The following KRT86 variants were observed in gnomAD, a reference collection of about 807,000 sequenced individuals.
KRT86 encodes keratin, type II cuticular Hb6.
In KRT86, 30 loss-of-function variants were observed where a neutral mutation model predicts 41.2. That is an observed-to-expected ratio of 0.73 (90% CI 0.54 to 0.99). KRT86 has a LOEUF of 0.99. Among genes scored for constraint, KRT86 ranks in the 50% least tolerant of loss-of-function variants. The pLI is 0.00. For missense variants in KRT86, 561 were observed against 571.4 expected, an observed-to-expected ratio of 0.98 and a Z score of 0.19; for synonymous variants, 238 against 238.1, an observed-to-expected ratio of 1.00 and a Z score of 0.00.
chr12:52,300,429 A>G (rs1938345344), intron 2 of KRT86, among the ~76,000 whole-genome samples: 1 of 152,228 alleles, frequency 6.6e-6, no homozygotes, highest in Admixed American at 6.5e-5. Context: ...AATGAAGCCC[A>G]TCTGCTCTGT....
At chr12:52,306,339 C>T in intron 9 of KRT86, 59 bp downstream of exon 9, 1 of 1,611,086 alleles carries the variant, frequency 6.2e-7, no homozygotes, top group East Asian at 2.2e-5. Context: ...TGTGCTCTGT[C>T]CTCACACTCC....
At chr12:52,275,992 G>T in intron 2 of KRT86, 46 bp downstream of exon 2, 1 of 985,866 alleles carries the variant, frequency 1.0e-6, no homozygotes, top group Non-Finnish European at 1.2e-6. Flanking sequence ...TGGTGGGATG[G>T]TGACCATTAT....
chr12:52,287,784 C>T (rs1788576907), intron 2 of KRT86: 2 of 1,613,852 alleles, frequency 1.2e-6, no homozygotes, highest in African/African-American at 2.7e-5. Flanking sequence ...CAGGACACCA[C>T]AGATGATTTT....
intron 2 of KRT86, chr12:52,286,213 G>T: frequency 6.6e-7 from 1 of 1,509,892 alleles, no homozygotes; most frequent in Non-Finnish European, 9.0e-7. Flanking sequence ...AGCAAGGCAG[G>T]GCAGGAAAGA....
intron 2 of KRT86, among the ~76,000 whole-genome samples, chr12:52,281,882 G>T (rs1227715087): frequency 6.6e-6 from 1 of 151,988 alleles, no homozygotes; most frequent in Non-Finnish European, 1.5e-5. Flanking sequence ...GGGACTACAG[G>T]CACATGCCTC....
chr12:52,285,073 A>G (rs1937882020), intron 2 of KRT86, among the ~76,000 whole-genome samples: 1 of 152,248 alleles, frequency 6.6e-6, no homozygotes, highest in South Asian at 2.1e-4. Flanking sequence ...TGTGGCATGC[A>G]CCATCTAAAC....
intron 2 of KRT86, chr12:52,286,057 T>C: frequency 1.6e-6 from 1 of 608,816 alleles, no homozygotes; most frequent in Non-Finnish European, 2.9e-6. Flanking sequence ...GACTTCTTTC[T>C]AGGGTGGCCT....
chr12:52,305,540 G>A (rs1416639362), intron 7 of KRT86, 123 bp from the exon 8 acceptor site: 18 of 1,598,466 alleles, frequency 1.1e-5, no homozygotes, highest in Non-Finnish European at 1.5e-5. Context: ...TGGGGTGGTA[G>A]GGCAGGACTG....
intron 2 of KRT86, chr12:52,288,142 G>A (rs750207945): frequency 7.4e-6 from 12 of 1,614,050 alleles, no homozygotes; most frequent in South Asian, 3.3e-5. Context: ...TGGAGAATGA[G>A]GATCTCCTGC....
At chr12:52,305,205 T>A (rs1938477236) in intron 6 of KRT86, 35 bp from the exon 7 acceptor site, 1 of 1,613,962 alleles carries the variant, frequency 6.2e-7, no homozygotes, top group Admixed American at 1.7e-5. Context: ...TGGGGCTGTG[T>A]TCTCAACTAA....
At chr12:52,280,217 G>A (rs1221809117) in intron 2 of KRT86, among the ~76,000 whole-genome samples, 5 of 152,122 alleles carry the variant, frequency 3.3e-5, no homozygotes, top group Non-Finnish European at 7.4e-5. Context: ...GAAATCAGAC[G>A]GAGGCTCCAG....
At chr12:52,294,044 G>C (rs949118805) in intron 2 of KRT86, among the ~76,000 whole-genome samples, 4 of 152,200 alleles carry the variant, frequency 2.6e-5, no homozygotes, top group Admixed American at 2.0e-4. Context: ...GTCACAGACT[G>C]TGTTGAGCTA....
intron 2 of KRT86, among the ~76,000 whole-genome samples, chr12:52,284,308 G>A (rs993749347): frequency 2.0e-5 from 3 of 152,128 alleles, no homozygotes; most frequent in African/African-American, 7.2e-5. Flanking sequence ...TCCTGCTTCG[G>A]CCCCCTAAGT....
In KRT86 at chr12:52,302,280, G is replaced by C; in HGVS notation, c.364G>C (p.Asp122His). 4 of 699,020 alleles carry C rather than the reference G, an allele frequency of 5.7e-6. No individual in the cohort carries two copies. The highest frequency in any genetic ancestry group is 3.8e-4 in the Middle Eastern group (1 of 2,622). The allele number at this position is 699,020 out of a possible 1,614,324, so 43.3% of individuals were successfully genotyped here. The change falls in exon 3 of 11, where the codon GAC becomes CAC. Residue 122 changes from aspartate (D) to histidine (H), a missense_variant. Around this residue, in one of 3 missense-constraint regions of KRT86, gnomAD observed 164 missense variants for 172.5 expected, o/e 0.95. Coordinates refer to ENST00000423955, the MANE Select transcript of KRT86 (RefSeq NM_001320198.2). ...SLNSRFAAFI[D>H]KVRFLEQQNK... Reference sequence around the variant, plus strand: ...CAACAGCAGGTTCGCGGCCTTCATCGACAAGGTGGGTGTCCTGGATCACAC... The same window carrying C: ...CAACAGCAGGTTCGCGGCCTTCATCCACAAGGTGGGTGTCCTGGATCACAC...
intron 2 of KRT86, among the ~76,000 whole-genome samples, chr12:52,298,594 C>A (rs1342156044): frequency 6.6e-6 from 1 of 152,156 alleles, no homozygotes; most frequent in Non-Finnish European, 1.5e-5. Context: ...TGGATTAACT[C>A]TTTTAATCTT....
chr12:52,305,498 G>C, intron 7 of KRT86, 94 bp downstream of exon 7: 12 of 1,605,592 alleles, frequency 7.5e-6, no homozygotes, highest in Non-Finnish European at 1.0e-5. Flanking sequence ...GGATGCACTA[G>C]GGATGAGAAG....
chr12:52,295,531 C>T (rs1938229391), intron 2 of KRT86, among the ~76,000 whole-genome samples: 1 of 152,176 alleles, frequency 6.6e-6, no homozygotes, highest in African/African-American at 2.4e-5. Flanking sequence ...TCATCTTGCC[C>T]CATGCCCTCT....
intron 2 of KRT86, among the ~76,000 whole-genome samples, chr12:52,295,334 T>A (rs1464625678): frequency 1.3e-5 from 2 of 152,182 alleles, no homozygotes; most frequent in Non-Finnish European, 2.9e-5. Flanking sequence ...ATGAGGACAC[T>A]GAGGTCTAGG....
rs768312774 is a variant in KRT86 at position 52,305,031 on chromosome 12, C to T, written c.735+4C>T. On this transcript the variant is annotated splice_donor_region_variant and intron_variant, in intron 6 of 10. Transcript: ENST00000423955. ...CCTGAGGCGGCTGTATGAGGAGGTG[C>T]GGGCTCAGGGGCCAGGCAGAGACCT... The T allele has an allele frequency of 8.9e-5, 144 of 1,613,418 alleles. No homozygotes were observed. The highest frequency in any genetic ancestry group is 7.6e-4 in the East Asian group (34 of 44,884).
Sources: allele counts gnomAD v4.1 joint callset (sites outside exome capture counted in the v4.1 genomes callset), GRCh38; gene constraint gnomAD v4.1.1; regional missense constraint gnomAD v4.1.1; transcripts MANE v1.5; gene names NCBI Gene and HGNC (gene_info 2026-07-23, HGNC 2026-07-21).